The following TMEM132B variants were observed in gnomAD, a reference collection of about 807,000 sequenced individuals.
The protein encoded by TMEM132B is transmembrane protein 132B.
TMEM132B carries 18 observed loss-of-function variants against 90.8 expected under a neutral mutation model. That is an observed-to-expected ratio of 0.20 (90% CI 0.14 to 0.29). The LOEUF is 0.29. Among genes scored for constraint, TMEM132B ranks in the 10% least tolerant of loss-of-function variants. TMEM132B has a pLI of 1.00. For synonymous variants in TMEM132B, 504 were observed against 523.3 expected (o/e 0.96, Z 0.50); for missense variants, 1,096 against 1,326.8 (o/e 0.83, Z 2.70).
At chr12:125,494,247 C>T (rs1882452128) in intron 3 of TMEM132B, among the ~76,000 whole-genome samples, 1 of 138,374 alleles carries the variant, frequency 7.2e-6, no homozygotes, top group African/African-American at 2.8e-5. Flanking sequence ...TGGCCGTGTC[C>T]CTCTTCCCCC....
chr12:125,341,680 C>T (rs546563167), intron 1 of TMEM132B, among the ~76,000 whole-genome samples: 12 of 152,196 alleles, frequency 7.9e-5, no homozygotes, highest in Non-Finnish European at 1.5e-4. Flanking sequence ...TTTTCTACTG[C>T]TGTTCATTTG....
chr12:125,527,135 T>C (rs1176497177), intron 4 of TMEM132B, among the ~76,000 whole-genome samples: 81 of 69,864 alleles, frequency 1.2e-3, no homozygotes, highest in African/African-American at 1.9e-3. Context: ...TCCACCCATT[T>C]ACCCTTCTAT....
intron 1 of TMEM132B, among the ~76,000 whole-genome samples, chr12:125,245,734 C>G (rs1407752252): frequency 6.6e-6 from 1 of 152,184 alleles, no homozygotes; most frequent in South Asian, 2.1e-4. Flanking sequence ...AGCATTGGTT[C>G]TTCTGCCAGG....
chr12:125,313,438 C>T (rs892613911), intron 1 of TMEM132B, among the ~76,000 whole-genome samples: 2 of 151,302 alleles, frequency 1.3e-5, no homozygotes, highest in African/African-American at 4.9e-5. Flanking sequence ...CTCTCCTCTT[C>T]TTCCCTTCCT....
chr12:125,605,044 G>A (rs1047353572), intron 5 of TMEM132B, among the ~76,000 whole-genome samples: 2 of 152,278 alleles, frequency 1.3e-5, no homozygotes, highest in East Asian at 3.9e-4. Context: ...AAACACAAAA[G>A]GAAAAACTGT....
intron 2 of TMEM132B, among the ~76,000 whole-genome samples, chr12:125,371,799 A>G (rs1878299210): frequency 6.6e-6 from 1 of 152,224 alleles, no homozygotes; most frequent in Non-Finnish European, 1.5e-5. Flanking sequence ...TGCAAGCTGC[A>G]CTTTGTGATC....
intron 5 of TMEM132B, chr12:125,584,904 A>T (rs1399719842): frequency 6.6e-6 from 1 of 152,234 alleles, no homozygotes; most frequent in African/African-American, 2.4e-5. Context: ...AGTCCAATCT[A>T]TTCAGCTATT....
chr12:125,379,973 C>T (rs576494361), intron 2 of TMEM132B, among the ~76,000 whole-genome samples: 1 of 152,168 alleles, frequency 6.6e-6, no homozygotes, highest in Non-Finnish European at 1.5e-5. Context: ...TCTGATTCAG[C>T]ATTTATCTTC....
intron 5 of TMEM132B, among the ~76,000 whole-genome samples, chr12:125,606,598 CTG>C (rs1885702528): frequency 6.6e-6 from 1 of 152,232 alleles, no homozygotes; most frequent in African/African-American, 2.4e-5. Flanking sequence ...GTGTGTGCAT[CTG>C]TGCACATACA....
At chr12:125,615,725 T>C (rs1331106584) in intron 5 of TMEM132B, among the ~76,000 whole-genome samples, 3 of 152,220 alleles carry the variant, frequency 2.0e-5, no homozygotes, top group Non-Finnish European at 4.4e-5. Flanking sequence ...CTTTGTTACA[T>C]TGAACATCTG....
intron 5 of TMEM132B, among the ~76,000 whole-genome samples, chr12:125,622,928 TTC>T (rs757405209): frequency 6.6e-6 from 1 of 152,208 alleles, no homozygotes; most frequent in Admixed American, 6.5e-5. Flanking sequence ...AGCCCTGCAG[TTC>T]TCTCTTTCTC....
intron 1 of TMEM132B, among the ~76,000 whole-genome samples, chr12:125,252,343 G>A (rs917294236): frequency 1.3e-5 from 2 of 152,124 alleles, no homozygotes; most frequent in African/African-American, 2.4e-5. Flanking sequence ...CGGTTCCCAC[G>A]GTGGCATGTG....
chr12:125,588,619 C>T (rs1262882263), intron 5 of TMEM132B, among the ~76,000 whole-genome samples: 4 of 152,040 alleles, frequency 2.6e-5, no homozygotes, highest in Admixed American at 6.5e-5. Context: ...TGAGCCACCA[C>T]GCCCCTCTAC....
At chr12:125,504,868 A>G (rs1480478602) in intron 3 of TMEM132B, among the ~76,000 whole-genome samples, 1 of 151,980 alleles carries the variant, frequency 6.6e-6, no homozygotes, top group Non-Finnish European at 1.5e-5. Context: ...AACCACAACC[A>G]CTGGAAAATG....
rs1881392270 is a variant in TMEM132B at position 125,459,945 on chromosome 12, A to G, written c.1106+44268A>G. Among the ~76,000 whole-genome samples the G allele has an allele frequency of 2.0e-5, 3 of 152,186 alleles. No individual in the cohort carries two copies. The highest frequency in any genetic ancestry group is 4.8e-5 in the African/African-American group (2 of 41,442). ...TCATTTCCCTCTCTTGCCTGCTGCC[A>G]TGTAAGACGTGCCTTTCACCTTCCA... On this transcript the variant is annotated intron_variant, in intron 3 of 8. Transcript: ENST00000682704. The surrounding 1 kb of genome is among the most constrained non-coding windows in gnomAD (Gnocchi z 4.1).
intron 1 of TMEM132B, among the ~76,000 whole-genome samples, chr12:125,231,208 CGT>C (rs140099684): frequency 0.025 from 3,700 of 145,734 alleles, 131 homozygotes; most frequent in East Asian, 0.087. Context: ...GGCTGTCTTC[CGT>C]GTGTGTGTGT....
Position 125,382,335 on chromosome 12 carries a change from A to G in TMEM132B, c.959+31992A>G, listed in dbSNP as rs74646405. Among the ~76,000 whole-genome samples, 1,291 of 152,256 alleles carry G rather than the reference A, an allele frequency of 8.5e-3. 28 individuals are homozygous for G. The highest frequency in any genetic ancestry group is 0.03 in the African/African-American group (1,233 of 41,536). On this transcript the variant is annotated intron_variant, in intron 2 of 8. Transcript: ENST00000682704. ...TCCATTTTTCTAGTAGGGGTCATGC[A>G]ATTTTATCTTTTTCATTCCAAGAGA...
At chr12:125,282,027 CAAAAAAAAAAAAAAAA>C (rs869083244) in intron 1 of TMEM132B, among the ~76,000 whole-genome samples, 3 of 16,054 alleles carry the variant, frequency 1.9e-4, no homozygotes, top group Non-Finnish European at 3.4e-4. Flanking sequence ...GACTCCGTCT[CAAAAAAAAAAAAAAAA>C]AAAAAAAAAA....
At chr12:125,651,076 CTG>C in intron 7 of TMEM132B, 123 bp downstream of exon 7, 1 of 1,317,196 alleles carries the variant, frequency 7.6e-7, no homozygotes, top group Non-Finnish European at 1.0e-6. Context: ...ACGTGTGTCA[CTG>C]TGCATGTATT....
Sources: gnomAD v4.1 joint callset for allele counts (sites outside exome capture counted in the v4.1 genomes callset) on GRCh38, gnomAD v4.1.1 for gene constraint, Gnocchi (gnomAD v3.1) non-coding constraint, MANE v1.5 for transcripts, NCBI Gene and HGNC (gene_info 2026-07-23, HGNC 2026-07-21) for gene names.